KDM4C: variants seen among roughly 807,000 people sequenced by gnomAD.
The protein encoded by KDM4C is lysine-specific demethylase 4C.
KDM4C carries 81 observed loss-of-function variants against 129.3 expected under a neutral mutation model. That is an observed-to-expected ratio of 0.63 (90% CI 0.52 to 0.75). The LOEUF (loss-of-function observed/expected upper bound fraction) is 0.75, where lower values mean the gene tolerates loss of function less well. Among genes scored for constraint, KDM4C ranks in the 30% least tolerant of loss-of-function variants. KDM4C has a pLI of 0.00. For missense variants in KDM4C, 1,457 were observed against 1,304.0 expected (o/e 1.12, Z -1.81); for synonymous variants, 573 against 456.1 (o/e 1.26, Z -3.26).
rs1836864352 is a variant in KDM4C, at chr9:7,099,780, G to C, written c.2425-3905G>C. Among the ~76,000 whole-genome samples the C allele has an allele frequency of 2.0e-5, 3 of 152,236 alleles. No individual in the cohort carries two copies. The South Asian group carries it at 6.2e-4, about 32-fold the overall frequency. On this transcript the variant is annotated intron_variant, in intron 17 of 21. Transcript: ENST00000381309. ...GCCTTGCCAGAACTGTCCTGTCAGA[G>C]ATACCCACTAACAGCTTTTGGCTGG... is the stretch of plus-strand genomic sequence containing the variant.
chr9:6,807,013 C>T (rs535144040), intron 3 of KDM4C, among the ~76,000 whole-genome samples: 77 of 152,304 alleles, frequency 5.1e-4, no homozygotes, highest in African/African-American at 1.7e-3. Flanking sequence ...ATTCTCCTGC[C>T]TCAGTCTGCC....
At chr9:6,766,202 A>G (rs2130531580) in intron 1 of KDM4C, among the ~76,000 whole-genome samples, 1 of 152,338 alleles carries the variant, frequency 6.6e-6, no homozygotes, top group South Asian at 2.1e-4. Flanking sequence ...TTTACTATAC[A>G]TTACAGATGC....
intron 8 of KDM4C, among the ~76,000 whole-genome samples, chr9:6,895,969 G>A (rs1021591609): frequency 3.3e-5 from 5 of 151,960 alleles, no homozygotes; most frequent in Non-Finnish European, 4.4e-5. Context: ...TTTTTACCCA[G>A]ATTTTGGTAT....
At chr9:6,742,245 A>C (rs1418885196) in intron 1 of KDM4C, among the ~76,000 whole-genome samples, 1 of 150,268 alleles carries the variant, frequency 6.7e-6, no homozygotes, top group Non-Finnish European at 1.5e-5. Flanking sequence ...CGAACTCCTG[A>C]CCTCGTCATC....
At chr9:7,133,315 G>A (rs1387537530) in intron 19 of KDM4C, among the ~76,000 whole-genome samples, 1 of 152,126 alleles carries the variant, frequency 6.6e-6, no homozygotes, top group East Asian at 1.9e-4. Context: ...ATGCCTACTT[G>A]TCAGATTAGA....
chr9:6,861,537 C>G (rs1840922488), intron 5 of KDM4C, among the ~76,000 whole-genome samples: 2 of 152,138 alleles, frequency 1.3e-5, no homozygotes, highest in African/African-American at 2.4e-5. Flanking sequence ...TTCAGCCACT[C>G]TACCATATTT....
At chr9:6,898,242 G>A (rs1816773703) in intron 8 of KDM4C, among the ~76,000 whole-genome samples, 1 of 152,166 alleles carries the variant, frequency 6.6e-6, no homozygotes, top group South Asian at 2.1e-4. Context: ...TTGTGTTTCA[G>A]CAGCCTCAAG....
rs555287028 is a variant in KDM4C at position 6,937,379 on chromosome 9, A to G, written c.922-43546A>G. Among the ~76,000 whole-genome samples, 3 of 152,250 alleles carry G rather than the reference A, an allele frequency of 2.0e-5. No individual in the cohort carries two copies. In the East Asian group the frequency reaches 5.8e-4, roughly 29 times the overall value. On this transcript the variant is annotated intron_variant, in intron 8 of 21. Transcript: ENST00000381309. ...TGGCAGAGCCTTCTGCTTGTTATAT[A>G]TAGTAGGGTACTTCTAAGGAAGGTG...
chr9:7,123,786 C>A (rs535116543), intron 18 of KDM4C, among the ~76,000 whole-genome samples: 93 of 152,186 alleles, frequency 6.1e-4, no homozygotes, highest in African/African-American at 2.2e-3. Flanking sequence ...TAGCCATGTG[C>A]CTGAATTTGA....
At chr9:7,028,476 T>C (rs1392667107) in intron 15 of KDM4C, among the ~76,000 whole-genome samples, 1 of 151,648 alleles carries the variant, frequency 6.6e-6, no homozygotes, top group African/African-American at 2.4e-5. Context: ...GGCAAAGTCC[T>C]TTTTACTCTC....
At chr9:7,026,850 C>G (rs1369835447) in intron 15 of KDM4C, among the ~76,000 whole-genome samples, 1 of 151,902 alleles carries the variant, frequency 6.6e-6, no homozygotes, top group African/African-American at 2.4e-5. Flanking sequence ...GTTCCTTCTT[C>G]TGCTTGATCA....
rs540250315 is a variant in KDM4C at position 6,824,052 on chromosome 9, C to T, written c.435+9307C>T. On this transcript the variant is annotated intron_variant, in intron 4 of 21. Transcript: ENST00000381309. ...CTTAGCTGCAGACTATATTCTCTGACCTAGATTTGTATACAACTGAAACAG... is the reference window on the plus strand; with the variant it reads ...CTTAGCTGCAGACTATATTCTCTGATCTAGATTTGTATACAACTGAAACAG... Among the ~76,000 whole-genome samples, 93 of 152,290 alleles carry T rather than the reference C, an allele frequency of 6.1e-4. No individual in the cohort carries two copies. In the South Asian group the frequency reaches 7.0e-3, roughly 12 times the overall value.
chr9:7,147,180 T>G (rs1327594219), intron 19 of KDM4C, among the ~76,000 whole-genome samples: 1 of 152,200 alleles, frequency 6.6e-6, no homozygotes, highest in Non-Finnish European at 1.5e-5. Flanking sequence ...GTTGAGTAGC[T>G]TATGCACAGT....
intron 13 of KDM4C, among the ~76,000 whole-genome samples, chr9:7,013,574 T>C (rs1823085942): frequency 6.6e-6 from 1 of 152,156 alleles, no homozygotes; most frequent in South Asian, 2.1e-4. Context: ...AACAGACATA[T>C]AGAATATTGT....
intron 9 of KDM4C, chr9:6,982,776 C>CA (rs1369673702): frequency 6.6e-6 from 1 of 152,180 alleles, no homozygotes; most frequent in Non-Finnish European, 1.5e-5. Flanking sequence ...GTATTAACCA[C>CA]AGTGGGCCTT....
At chr9:6,816,308 A>G (rs1470976652) in intron 4 of KDM4C, among the ~76,000 whole-genome samples, 6 of 152,222 alleles carry the variant, frequency 3.9e-5, no homozygotes, top group Non-Finnish European at 7.3e-5. Context: ...TTTATGAATT[A>G]TTGTAAAGTG....
chr9:6,831,580 T>C (rs1436132583), intron 4 of KDM4C, among the ~76,000 whole-genome samples: 1 of 152,076 alleles, frequency 6.6e-6, no homozygotes, highest in African/African-American at 2.4e-5. Context: ...TGACCTCAGG[T>C]AATCCAGCCA....
chr9:6,937,207 C>T (rs1197903919), intron 8 of KDM4C, among the ~76,000 whole-genome samples: 1 of 152,122 alleles, frequency 6.6e-6, no homozygotes, highest in African/African-American at 2.4e-5. Context: ...GCCGCCTCAC[C>T]CAGCGAGTAA....
chr9:7,097,078 A>G (rs1471622888), intron 17 of KDM4C, among the ~76,000 whole-genome samples: 1 of 152,070 alleles, frequency 6.6e-6, no homozygotes, highest in Non-Finnish European at 1.5e-5. Flanking sequence ...CTCCTTCTTC[A>G]TCCCACTCCC....
Sources: allele counts gnomAD v4.1 joint callset (sites outside exome capture counted in the v4.1 genomes callset), GRCh38; gene constraint gnomAD v4.1.1; transcripts MANE v1.5; gene names NCBI Gene and HGNC (gene_info 2026-07-23, HGNC 2026-07-21).